Variants in CNOT6 observed in about 807,000 individuals in gnomAD.
CNOT6 encodes the protein carbon catabolite repression 4 protein.
In CNOT6, 12 loss-of-function variants were observed where a neutral mutation model predicts 61.2. That is an observed-to-expected ratio of 0.20 (90% CI 0.13 to 0.32). The LOEUF is 0.32. Ranked by LOEUF, CNOT6 falls within the 10% of genes least tolerant of loss-of-function variation. The pLI, the probability that CNOT6 is intolerant of heterozygous loss-of-function variation, is 1.00. For synonymous variants in CNOT6, 225 were observed against 240.6 expected, an observed-to-expected ratio of 0.94 and a Z score of 0.60; for missense variants, 405 against 663.9, an observed-to-expected ratio of 0.61 and a Z score of 4.28.
chr5:180,520,065 C>T (rs1757814797), intron 1 of CNOT6, among the ~76,000 whole-genome samples: 1 of 152,010 alleles, frequency 6.6e-6, no homozygotes, highest in African/African-American at 2.4e-5. Flanking sequence ...AACTCCTGAC[C>T]TCAAGTGATC....
At chr5:180,572,204 C>G (rs181389512) in intron 11 of CNOT6, among the ~76,000 whole-genome samples, 1 of 151,794 alleles carries the variant, frequency 6.6e-6, no homozygotes, top group South Asian at 2.1e-4. Context: ...CTTTTTTCTC[C>G]CCCTAGAGAC....
At chr5:180,546,637 A>T (rs926331984) in intron 2 of CNOT6, among the ~76,000 whole-genome samples, 3 of 152,218 alleles carry the variant, frequency 2.0e-5, no homozygotes, top group African/African-American at 7.2e-5. Flanking sequence ...TACATTTTAA[A>T]TAGTTGTAGA....
chr5:180,508,679 C>T (rs1439584042), intron 1 of CNOT6, among the ~76,000 whole-genome samples: 2 of 151,952 alleles, frequency 1.3e-5, no homozygotes, highest in African/African-American at 4.8e-5. Flanking sequence ...GGCTAGAGCA[C>T]AGGTGCCATC....
At chr5:180,521,983 A>G (rs541457853) in intron 1 of CNOT6, among the ~76,000 whole-genome samples, 2 of 152,356 alleles carry the variant, frequency 1.3e-5, no homozygotes, top group South Asian at 2.1e-4. Context: ...TATTGTGAAT[A>G]GTGCTGCAGT....
chr5:180,568,677 C>T (rs1190953298), intron 9 of CNOT6, among the ~76,000 whole-genome samples: 9 of 151,960 alleles, frequency 5.9e-5, no homozygotes, highest in Non-Finnish European at 1.3e-4. Flanking sequence ...ATGCTGGGAG[C>T]CGAAACTTGT....
intron 1 of CNOT6, among the ~76,000 whole-genome samples, chr5:180,522,296 G>T (rs1040058865): frequency 9.9e-5 from 15 of 151,158 alleles, no homozygotes; most frequent in African/African-American, 3.6e-4. Flanking sequence ...TTTTTTTTTT[G>T]TAGAGATGGG....
chr5:180,568,286 A>G (rs926380365), intron 9 of CNOT6, among the ~76,000 whole-genome samples: 4 of 151,884 alleles, frequency 2.6e-5, no homozygotes, highest in African/African-American at 9.7e-5. Flanking sequence ...GTTGAAGTAA[A>G]TATTAATTAA....
chr5:180,503,425 G>C (rs1756976678), intron 1 of CNOT6, among the ~76,000 whole-genome samples: 1 of 151,490 alleles, frequency 6.6e-6, no homozygotes. Flanking sequence ...CACCATGCCT[G>C]GCTAATTTTT....
intron 1 of CNOT6, chr5:180,495,336 T>C (rs1216203612): frequency 6.6e-6 from 1 of 152,380 alleles, no homozygotes; most frequent in East Asian, 1.9e-4. Context: ...TTTTATAGTA[T>C]TGCGAAGGAT....
intron 1 of CNOT6, among the ~76,000 whole-genome samples, chr5:180,509,680 G>T (rs1581474714): frequency 6.6e-6 from 1 of 151,446 alleles, no homozygotes; most frequent in East Asian, 2.0e-4. Context: ...CTCCCAAGGT[G>T]CCGGGATTAC....
At chr5:180,531,585 C>A (rs1266862022) in intron 2 of CNOT6, among the ~76,000 whole-genome samples, 2 of 152,156 alleles carry the variant, frequency 1.3e-5, no homozygotes, top group African/African-American at 2.4e-5. Context: ...GACGGGGTGG[C>A]GGCCAGGCAG....
rs770791081 is a variant in CNOT6, at chr5:180,575,452, T to G, written c.*1252T>G. The G allele has an allele frequency of 3.9e-5, 6 of 151,938 alleles. No individual in the cohort carries two copies. Among genetic ancestry groups the G allele is most frequent in the Non-Finnish European group, 8.8e-5 (6 of 67,980 alleles). 9.4% of individuals were successfully genotyped at this position (151,938 alleles called of 1,614,324 possible). ...TCGTCAGTGTCTTTTCCTTAGTCTT[T>G]TTGTTGTTGTTGTTGTTGTTGTTTT... On this transcript the variant is annotated 3_prime_UTR_variant, in exon 12 of 12. Coordinates refer to ENST00000261951, the MANE Select transcript of CNOT6 (RefSeq NM_001370472.1).
chr5:180,499,597 C>G (rs545609085), intron 1 of CNOT6, among the ~76,000 whole-genome samples: 9 of 152,184 alleles, frequency 5.9e-5, no homozygotes, highest in Non-Finnish European at 1.3e-4. Flanking sequence ...CAGAATCGTG[C>G]AGTAGAAATG....
chr5:180,561,541 A>G (rs556252196), intron 4 of CNOT6, among the ~76,000 whole-genome samples: 2 of 151,672 alleles, frequency 1.3e-5, no homozygotes, highest in Admixed American at 6.6e-5. Context: ...GTGATGAGCT[A>G]TTTTCATTTG....
intron 1 of CNOT6, among the ~76,000 whole-genome samples, chr5:180,518,733 T>TCAAG (rs1757755711): frequency 2.0e-5 from 3 of 152,216 alleles, no homozygotes; most frequent in African/African-American, 7.2e-5. Flanking sequence ...ACTTCTGAGC[T>TCAAG]TGAGCAGGCC....
chr5:180,565,718 G>A, intron 6 of CNOT6, 102 bp from the exon 7 acceptor site: 1 of 1,114,414 alleles, frequency 9.0e-7, no homozygotes, highest in Non-Finnish European at 1.3e-6. Context: ...TAGATTGAAT[G>A]AATACGGTCA....
intron 2 of CNOT6, among the ~76,000 whole-genome samples, chr5:180,536,004 T>G (rs1210701182): frequency 7.9e-6 from 1 of 126,342 alleles, no homozygotes; most frequent in Non-Finnish European, 1.7e-5. Flanking sequence ...TTTTTTTTTT[T>G]TTTTTTTTTT....
intron 2 of CNOT6, among the ~76,000 whole-genome samples, chr5:180,530,200 C>G (rs889206759): frequency 2.6e-5 from 4 of 152,174 alleles, no homozygotes; most frequent in African/African-American, 9.7e-5. Context: ...CCTGACCGCC[C>G]TTGATTTTTA....
At chr5:180,546,961 G>A (rs1048444851) in intron 2 of CNOT6, among the ~76,000 whole-genome samples, 2 of 152,074 alleles carry the variant, frequency 1.3e-5, no homozygotes, top group African/African-American at 2.4e-5. Context: ...ATTCATTTAT[G>A]GTTCATACAT....
Sources: allele counts gnomAD v4.1 joint callset (sites outside exome capture counted in the v4.1 genomes callset), GRCh38; gene constraint gnomAD v4.1.1; transcripts MANE v1.5; gene names NCBI Gene and HGNC (gene_info 2026-07-23, HGNC 2026-07-21).